Variants in TBCK observed in about 807,000 individuals in gnomAD.
TBCK encodes TBC1 domain containing kinase.
A neutral mutation model predicts 113.4 loss-of-function variants in TBCK; 99 were observed. That is an observed-to-expected ratio of 0.87 (90% CI 0.74 to 1.03). The LOEUF is 1.03. TBCK is among the 50% of genes least tolerant of loss of function. The probability of loss-of-function intolerance (pLI) is 0.00; values close to 1 mark genes in which losing one functional copy is unlikely to be tolerated. For synonymous variants in TBCK, 369 were observed against 370.8 expected (o/e 1.00, Z 0.05); for missense variants, 1,045 against 1,061.3 (o/e 0.98, Z 0.21).
Position 106,248,259 on chromosome 4 carries a change from G to C in TBCK, c.768C>G (p.Phe256Leu). The C allele has an allele frequency of 6.3e-7, 1 of 1,596,934 alleles. No homozygotes were observed. Residue 256 changes from phenylalanine to leucine, a missense_variant, in exon 9 of 26, where the codon TTC (phenylalanine) becomes TTG (leucine). By Grantham distance (22) the Phe-to-Leu change is conservative. Coordinates refer to ENST00000394708, the MANE Select transcript of TBCK (RefSeq NM_001163435.3). ...ATAATATCAACCTCTTAGAAGGATG[G>C]AAGGTAAGGCACTTATTCAAAAGAT... ...VIDLLNKCLT[F>L]HPSKRPTPDQ...
At chr4:106,267,458 A>C (rs963952773) in intron 3 of TBCK, among the ~76,000 whole-genome samples, 2 of 152,020 alleles carry the variant, frequency 1.3e-5, no homozygotes, top group African/African-American at 4.8e-5. Flanking sequence ...TTAGAAGGAC[A>C]GATTTACAAA....
intron 23 of TBCK, among the ~76,000 whole-genome samples, chr4:106,156,739 T>C (rs1749169301): frequency 6.6e-6 from 1 of 152,128 alleles, no homozygotes; most frequent in African/African-American, 2.4e-5. Flanking sequence ...GAATGCTGCC[T>C]GGCCTGGGAC....
At chr4:106,143,041 T>C (rs1747317301) in intron 23 of TBCK, among the ~76,000 whole-genome samples, 1 of 152,224 alleles carries the variant, frequency 6.6e-6, no homozygotes, top group Non-Finnish European at 1.5e-5. Context: ...TCCTATATCA[T>C]GACAATGTTA....
chr4:106,268,299 G>C (rs1201456440), intron 3 of TBCK, among the ~76,000 whole-genome samples: 7 of 151,934 alleles, frequency 4.6e-5, no homozygotes. Flanking sequence ...ACAGTTGAGG[G>C]TTTCTAGATT....
chr4:106,064,543 A>T (rs1262179241), intron 25 of TBCK, among the ~76,000 whole-genome samples: 1 of 151,854 alleles, frequency 6.6e-6, no homozygotes, highest in African/African-American at 2.4e-5. Context: ...ACTGTCTCTA[A>T]TATTTTCTGA....
intron 2 of TBCK, among the ~76,000 whole-genome samples, chr4:106,302,810 A>G (rs1413651117): frequency 6.6e-6 from 1 of 152,218 alleles, no homozygotes; most frequent in East Asian, 1.9e-4. Context: ...AGGGATTGAA[A>G]ATATCTATTA....
At chr4:106,119,573 T>C (rs953943935) in intron 23 of TBCK, among the ~76,000 whole-genome samples, 1 of 152,134 alleles carries the variant, frequency 6.6e-6, no homozygotes, top group Non-Finnish European at 1.5e-5. Context: ...GGAGAAAACA[T>C]TGTGGAAATG....
At chr4:106,306,823 T>G (rs1767578077) in intron 2 of TBCK, among the ~76,000 whole-genome samples, 1 of 152,200 alleles carries the variant, frequency 6.6e-6, no homozygotes, top group Non-Finnish European at 1.5e-5. Context: ...CTTGAGGGAT[T>G]AAGCCAAACA....
At chr4:106,089,608 G>A (rs1339472762) in intron 25 of TBCK, among the ~76,000 whole-genome samples, 1 of 152,198 alleles carries the variant, frequency 6.6e-6, no homozygotes, top group East Asian at 1.9e-4. Flanking sequence ...CTATGAGCCT[G>A]TGAGATCAAA....
intron 25 of TBCK, 140 bp downstream of exon 25, chr4:106,095,342 A>T: frequency 1.5e-6 from 1 of 680,872 alleles, no homozygotes. Context: ...AAACTCTTCC[A>T]TATAAGAACA....
intron 24 of TBCK, among the ~76,000 whole-genome samples, chr4:106,106,503 G>T (rs1560652551): frequency 6.6e-6 from 1 of 151,698 alleles, no homozygotes; most frequent in East Asian, 1.9e-4. Flanking sequence ...TGTTCTGAAA[G>T]AAAAAAAATC....
At chr4:106,243,312 T>C (rs749055711) in intron 11 of TBCK, among the ~76,000 whole-genome samples, 63 of 152,196 alleles carry the variant, frequency 4.1e-4, no homozygotes, top group South Asian at 4.2e-4. Context: ...CCCAAGAAAC[T>C]TTATACGTGT....
rs1274654351 is a variant in TBCK at position 106,140,450 on chromosome 4, A to G, written c.2236-24072T>C. On this transcript the variant is annotated intron_variant, in intron 23 of 25. Transcript: ENST00000394708. Reference sequence around the variant, plus strand: ...ATGAGGCTACTTTAATTGAAATGGTAATAATGCTACAAATAAAAAAAACTA... The same window carrying G: ...ATGAGGCTACTTTAATTGAAATGGTGATAATGCTACAAATAAAAAAAACTA... Among the ~76,000 whole-genome samples, 5 of 140,810 alleles carry G rather than the reference A, an allele frequency of 3.6e-5. 1 individual carries two copies. Among genetic ancestry groups the G allele is most frequent in the African/African-American group, 1.3e-4 (5 of 39,966 alleles). 92.4% of individuals were successfully genotyped at this position (140,810 alleles called of 152,430 possible). A position where few individuals can be genotyped will look rare whatever the true frequency, so the allele number is the denominator to read the frequency against.
At chr4:106,177,151 C>T (rs1214316021) in intron 22 of TBCK, among the ~76,000 whole-genome samples, 2 of 151,802 alleles carry the variant, frequency 1.3e-5, no homozygotes, top group African/African-American at 2.4e-5. Context: ...GTCTCCTTTT[C>T]AGAAATGTCT....
At chr4:106,220,422 T>G (rs916634005) in intron 19 of TBCK, among the ~76,000 whole-genome samples, 1 of 152,140 alleles carries the variant, frequency 6.6e-6, no homozygotes, top group East Asian at 1.9e-4. Flanking sequence ...TTTTTTCCAG[T>G]ATCGGGCATG....
chr4:106,046,640 C>T lies in TBCK; in HGVS notation c.2612G>A (p.Cys871Tyr), dbSNP rs766828138. The T allele has an allele frequency of 6.2e-7, 1 of 1,612,370 alleles. No homozygotes were observed. The highest frequency in any genetic ancestry group is 8.5e-7 in the Non-Finnish European group (1 of 1,178,930). The change falls in exon 26 of 26, where the codon TGT becomes TAT. Residue 871 changes from cysteine to tyrosine, a missense_variant. Cys to Tyr is a radical substitution (Grantham distance 194). Coordinates refer to ENST00000394708, the MANE Select transcript of TBCK (RefSeq NM_001163435.3). The stretch of plus-strand genomic sequence containing the variant: ...TTTATTAATGCCACCATCTAGAATA[C>T]AGATTCTTGGATATTTCATCTTCAC... ...HLVKMKYPRI[C>Y]ILDGGINKIK...
chr4:106,242,271 A>G (rs1388283860), intron 12 of TBCK, among the ~76,000 whole-genome samples, 199 bp downstream of exon 12: 4 of 152,150 alleles, frequency 2.6e-5, no homozygotes, highest in Non-Finnish European at 5.9e-5. Context: ...GAAAAGATAA[A>G]CTGATAAAAT....
intron 5 of TBCK, among the ~76,000 whole-genome samples, chr4:106,255,755 T>C (rs1157378469): frequency 6.6e-6 from 1 of 152,190 alleles, no homozygotes; most frequent in Non-Finnish European, 1.5e-5. Context: ...CTGTTTTAGC[T>C]CTGACATTTG....
At chr4:106,132,262 C>T (rs1468160589) in intron 23 of TBCK, among the ~76,000 whole-genome samples, 2 of 152,134 alleles carry the variant, frequency 1.3e-5, no homozygotes, top group South Asian at 2.1e-4. Context: ...GTGGGTGGGG[C>T]CCAGGGCCCC....
Sources: allele counts gnomAD v4.1 joint callset (sites outside exome capture counted in the v4.1 genomes callset), GRCh38; gene constraint gnomAD v4.1.1; transcripts MANE v1.5; gene names NCBI Gene and HGNC (gene_info 2026-07-23, HGNC 2026-07-21).